Variants in HACD2 observed in about 807,000 individuals in gnomAD.
HACD2 encodes very-long-chain (3R)-3-hydroxyacyl-CoA dehydratase 2.
A neutral mutation model predicts 31.0 loss-of-function variants in HACD2; 15 were observed. The observed-to-expected ratio is 0.48, with a 90% CI of 0.32 to 0.75. HACD2 has a LOEUF of 0.75. Among genes scored for constraint, HACD2 ranks in the 30% least tolerant of loss-of-function variants. The pLI, the probability that HACD2 is intolerant of heterozygous loss-of-function variation, is 0.03. For synonymous variants in HACD2, 115 were observed against 122.2 expected, an observed-to-expected ratio of 0.94 and a Z score of 0.39; for missense variants, 283 against 313.0, an observed-to-expected ratio of 0.90 and a Z score of 0.72.
chr3:123,544,666 T>C (rs2056535875), intron 3 of HACD2, among the ~76,000 whole-genome samples: 1 of 152,230 alleles, frequency 6.6e-6, no homozygotes, highest in African/African-American at 2.4e-5. Flanking sequence ...ATTTACTTTT[T>C]GAAGGTTTAA....
At chr3:123,533,638 G>A (rs1315833632) in intron 3 of HACD2, among the ~76,000 whole-genome samples, 2 of 152,272 alleles carry the variant, frequency 1.3e-5, no homozygotes, top group Non-Finnish European at 2.9e-5. Context: ...ACTCTCACTA[G>A]CCTAAAATTC....
Position 123,494,738 on chromosome 3 carries a change from G to A in HACD2, c.*150C>T. The A allele has an allele frequency of 4.5e-6, 3 of 665,918 alleles. No individual in the cohort carries two copies. The South Asian group carries it at 5.2e-5, about 12-fold the overall frequency. The allele number at this position is 665,918 out of a possible 1,614,324, so 41.3% of individuals were successfully genotyped here. On this transcript the variant is annotated 3_prime_UTR_variant, in exon 7 of 7. Coordinates refer to ENST00000383657, the MANE Select transcript of HACD2 (RefSeq NM_198402.5). ...TTCTAAAATAAAATCTCAGGCCCAT[G>A]TGACACTGGATTTTTGTTTTAGTTT...
intron 3 of HACD2, among the ~76,000 whole-genome samples, chr3:123,543,028 G>GT (rs1278659072): frequency 1.3e-5 from 2 of 152,220 alleles, no homozygotes. Context: ...GTATACGTCA[G>GT]TATTAGTGCC....
chr3:123,536,455 C>A (rs1219750862), intron 3 of HACD2, among the ~76,000 whole-genome samples: 1 of 152,162 alleles, frequency 6.6e-6, no homozygotes, highest in Non-Finnish European at 1.5e-5. Flanking sequence ...AAAAGGAAAC[C>A]ACCCATTGCA....
At chr3:123,523,949 C>G (rs1214322671) in intron 4 of HACD2, among the ~76,000 whole-genome samples, 4 of 152,250 alleles carry the variant, frequency 2.6e-5, no homozygotes, top group Non-Finnish European at 5.9e-5. Flanking sequence ...GCTCCTTAAG[C>G]TTCCTCTTAC....
At chr3:123,509,988 G>A (rs183575799) in intron 4 of HACD2, among the ~76,000 whole-genome samples, 45 of 152,134 alleles carry the variant, frequency 3.0e-4, no homozygotes, top group African/African-American at 9.9e-4. Context: ...TTCTTTGTAC[G>A]TGTGGATAAT....
At position 123,492,068 on chromosome 3, in the gene HACD2, CT is replaced by C. The variant is rs2055770469; in HGVS notation, c.*2819del. 6.6e-6 allele frequency: 1 copy of C among 152,222 alleles called. No individual in the cohort carries two copies. The highest frequency in any genetic ancestry group is 2.4e-5 in the African/African-American group (1 of 41,456). The allele number at this position is 152,222 out of a possible 1,614,324, so 9.4% of individuals were successfully genotyped here. ...AGTCTGCTCTGGAGACTTTTTTCAT[CT>C]GCAAGGACAGTGCTTTATTCCATGA... is the stretch of plus-strand genomic sequence containing the variant. On this transcript the variant is annotated 3_prime_UTR_variant, in exon 7 of 7. Transcript: ENST00000383657.
chr3:123,504,150 T>C (rs2055943607), intron 4 of HACD2, among the ~76,000 whole-genome samples: 1 of 152,222 alleles, frequency 6.6e-6, no homozygotes, highest in Admixed American at 6.5e-5. Flanking sequence ...TTTCAGTCTG[T>C]CTCCAAATCC....
intron 4 of HACD2, among the ~76,000 whole-genome samples, chr3:123,511,331 G>T (rs1339597291): frequency 6.6e-6 from 1 of 152,020 alleles, no homozygotes; most frequent in Non-Finnish European, 1.5e-5. Flanking sequence ...GTCTTCTTGG[G>T]CTTGGGGTCT....
intron 3 of HACD2, among the ~76,000 whole-genome samples, chr3:123,528,964 T>C (rs2107707381): frequency 6.6e-6 from 1 of 152,030 alleles, no homozygotes; most frequent in African/African-American, 2.4e-5. Flanking sequence ...ACTTGAATAT[T>C]TTGCCAACAA....
intron 5 of HACD2, among the ~76,000 whole-genome samples, chr3:123,501,345 G>T (rs1462315680): frequency 6.6e-6 from 1 of 152,142 alleles, no homozygotes; most frequent in Non-Finnish European, 1.5e-5. Context: ...TCTTTAAAAA[G>T]GAGTTCTCCA....
chr3:123,538,208 C>T (rs2056449287), intron 3 of HACD2, among the ~76,000 whole-genome samples: 1 of 152,134 alleles, frequency 6.6e-6, no homozygotes, highest in Admixed American at 6.5e-5. Flanking sequence ...CGACCACCCC[C>T]AGAAAGCAAT....
chr3:123,554,605 CAG>C (rs909363738), intron 3 of HACD2, among the ~76,000 whole-genome samples: 1 of 152,120 alleles, frequency 6.6e-6, no homozygotes, highest in Non-Finnish European at 1.5e-5. Context: ...ATAAATGTAA[CAG>C]AGTAAGATAA....
rs2055801911 is a variant in HACD2, at chr3:123,494,074, G to A, written c.*814C>T. ...CTACTGGCAAACACGTTACTCAGAG[G>A]TGTTCTGAGAATGGTGCTGTGAAAA... On this transcript the variant is annotated 3_prime_UTR_variant, in exon 7 of 7. Coordinates refer to ENST00000383657, the MANE Select transcript of HACD2 (RefSeq NM_198402.5). 1 of 152,206 alleles carries A rather than the reference G, an allele frequency of 6.6e-6. No individual in the cohort carries two copies. Among genetic ancestry groups the A allele is most frequent in the Non-Finnish European group, 1.5e-5 (1 of 68,068 alleles). The allele number at this position is 152,206 out of a possible 1,614,324, so 9.4% of individuals were successfully genotyped here.
intron 3 of HACD2, among the ~76,000 whole-genome samples, chr3:123,566,017 G>A (rs2056787089): frequency 6.6e-6 from 1 of 152,038 alleles, no homozygotes; most frequent in Non-Finnish European, 1.5e-5. Flanking sequence ...GTTTTCTCTG[G>A]GAAAGCAGAC....
In HACD2 at chr3:123,502,681, C is replaced by T. The variant is rs969715983; in HGVS notation, c.382G>A (p.Val128Ile). 9.4e-6 allele frequency: 15 copies of T among 1,598,950 alleles called. No homozygotes were observed. The highest frequency in any genetic ancestry group is 1.3e-5 in the Non-Finnish European group (15 of 1,172,416). Residue 128 changes from valine (V) to isoleucine (I), a missense_variant and splice_region_variant, in exon 5 of 7, where the codon GTA becomes ATA. Physicochemically the swap from Val to Ile is conservative, Grantham distance 29 (BLOSUM62 3). Coordinates refer to ENST00000383657, the MANE Select transcript of HACD2 (RefSeq NM_198402.5). ...IWAVTHSVKEVQSEDSVLLFV... is the reference protein window; with the variant it reads ...IWAVTHSVKEIQSEDSVLLFV... Reference sequence around the variant, plus strand: ...AGGAGGACACTGTCTTCACTCTGTACCTGAAGGAAGAGGAAAACAAAAGAA... The same window carrying T: ...AGGAGGACACTGTCTTCACTCTGTATCTGAAGGAAGAGGAAAACAAAAGAA...
chr3:123,551,531 A>G (rs1278159653), intron 3 of HACD2, among the ~76,000 whole-genome samples: 1 of 152,086 alleles, frequency 6.6e-6, no homozygotes, highest in South Asian at 2.1e-4. Flanking sequence ...AGGCTGAGGC[A>G]GGGAATCCCT....
intron 6 of HACD2, among the ~76,000 whole-genome samples, chr3:123,498,151 C>T (rs866845755): frequency 6.6e-6 from 1 of 152,148 alleles, no homozygotes; most frequent in Non-Finnish European, 1.5e-5. Flanking sequence ...CAGGGTGACT[C>T]GCATCAGGAG....
intron 4 of HACD2, among the ~76,000 whole-genome samples, chr3:123,515,720 G>C (rs1231046764): frequency 6.6e-6 from 1 of 151,380 alleles, no homozygotes; most frequent in East Asian, 1.9e-4. Flanking sequence ...ACACATGGTG[G>C]TTTAAAAAAA....
Sources: gnomAD v4.1 joint callset for allele counts (sites outside exome capture counted in the v4.1 genomes callset) on GRCh38, gnomAD v4.1.1 for gene constraint, MANE v1.5 for transcripts, NCBI Gene and HGNC (gene_info 2026-07-23, HGNC 2026-07-21) for gene names.